The following GATC variants were observed in gnomAD, a reference collection of about 807,000 sequenced individuals.
GATC encodes the protein glutamyl-tRNA amidotransferase subunit C.
In GATC, 11 loss-of-function variants were observed where a neutral mutation model predicts 14.4. The observed-to-expected ratio is 0.77, with a 90% CI of 0.48 to 1.27. The LOEUF (loss-of-function observed/expected upper bound fraction) is 1.27. Ranked by LOEUF, GATC falls within the 50% of genes most tolerant of loss-of-function variation. The pLI is 0.00. For synonymous variants in GATC, 76 were observed against 79.3 expected (o/e 0.96, Z 0.22); for missense variants, 204 against 183.0 (o/e 1.11, Z -0.66).
chr12:120,449,180 C>T (rs1219702865), intron 2 of GATC, among the ~76,000 whole-genome samples: 2 of 151,846 alleles, frequency 1.3e-5, no homozygotes, highest in Admixed American at 6.6e-5. Flanking sequence ...AAGATGGTCT[C>T]GATCTCCTGA....
rs541672474 is a variant in GATC, at chr12:120,447,465, GCTT to G, written c.254+639_254+641del. ...AGTACTCTCCTTGGCTACCTTGACT[GCTT>G]CTCCAGCAAGACAAGTTCTTTTCCT... On this transcript the variant is annotated intron_variant, in intron 2 of 3. Coordinates refer to ENST00000551765, the MANE Select transcript of GATC (RefSeq NM_176818.3). Among the ~76,000 whole-genome samples the G allele has an allele frequency of 3.4e-3, 514 of 152,128 alleles. 2 individuals are homozygous for G. Among genetic ancestry groups the G allele is most frequent in the Middle Eastern group, 0.014 (4 of 294 alleles).
chr12:120,448,452 C>T (rs899011590), intron 2 of GATC, among the ~76,000 whole-genome samples: 8 of 151,480 alleles, frequency 5.3e-5, no homozygotes, highest in South Asian at 2.1e-4. Flanking sequence ...CCTCAGCCTC[C>T]GGAGTAGCTG....
At chr12:120,456,505 C>A (rs1204236337) in intron 2 of GATC, among the ~76,000 whole-genome samples, 1 of 152,188 alleles carries the variant, frequency 6.6e-6, no homozygotes, top group African/African-American at 2.4e-5. Context: ...CCAGCTTCAT[C>A]TTCCACCCCG....
In GATC at chr12:120,462,428, C is replaced by CAATT. The variant is rs1330680124; in HGVS notation, c.*2472_*2475dup. On this transcript the variant is annotated 3_prime_UTR_variant, in exon 4 of 4. Transcript: ENST00000551765. ...AATGCCAATTTGACATGTTGATACT[C>CAATT]AATTAACTATGATAAACAATATATC... The CAATT allele has an allele frequency of 3.0e-6, 1 of 329,504 alleles. No homozygotes were observed. The highest frequency in any genetic ancestry group is 2.1e-5 in the African/African-American group (1 of 46,544). 20.4% of individuals were successfully genotyped at this position (329,504 alleles called of 1,614,324 possible).
At chr12:120,455,930 C>T (rs1211005412) in intron 2 of GATC, among the ~76,000 whole-genome samples, 1 of 152,162 alleles carries the variant, frequency 6.6e-6, no homozygotes, top group Non-Finnish European at 1.5e-5. Context: ...TCGTGATCCG[C>T]CCACCTCGGC....
intron 2 of GATC, 140 bp from the exon 3 acceptor site, chr12:120,456,936 T>C: frequency 1.6e-6 from 1 of 641,058 alleles, no homozygotes; most frequent in Non-Finnish European, 2.8e-6. Flanking sequence ...CTACTGTTGA[T>C]CCCAGCTTCT....
At chr12:120,451,143 CAAAAA>C (rs143607117) in intron 2 of GATC, among the ~76,000 whole-genome samples, 1 of 56,484 alleles carries the variant, frequency 1.8e-5, no homozygotes, top group Non-Finnish European at 2.9e-5. Flanking sequence ...GACTCCATCT[CAAAAA>C]AAAAAAAAAA....
At position 120,446,644 on chromosome 12, in the gene GATC, A is replaced by G. The variant is rs752381799; in HGVS notation, c.82-13A>G. The stretch of plus-strand genomic sequence containing the variant: ...GCCGGTGACCCACACTCCCCGCCTC[A>G]TCCCTCCTCCAGGGCAGTGGCCGGA... On this transcript the variant is annotated splice_polypyrimidine_tract_variant and intron_variant, in intron 1 of 3. Coordinates refer to ENST00000551765, the MANE Select transcript of GATC (RefSeq NM_176818.3). 7 of 1,604,924 alleles carry G rather than the reference A, an allele frequency of 4.4e-6. No individual in the cohort carries two copies. The highest frequency in any genetic ancestry group is 5.1e-6 in the Non-Finnish European group (6 of 1,174,764).
intron 2 of GATC, among the ~76,000 whole-genome samples, chr12:120,449,269 CTCT>C (rs1261101938): frequency 2.0e-5 from 3 of 151,968 alleles, no homozygotes; most frequent in South Asian, 2.1e-4. Flanking sequence ...TACTTAGGTT[CTCT>C]ACCTGTGGCT....
At chr12:120,449,765 A>AT (rs796625406) in intron 2 of GATC, among the ~76,000 whole-genome samples, 157 of 139,780 alleles carry the variant, frequency 1.1e-3, no homozygotes, top group Middle Eastern at 4.1e-3. Context: ...TGTTTAATGA[A>AT]TTTTTTTTTT....
intron 2 of GATC, among the ~76,000 whole-genome samples, chr12:120,449,177 T>C (rs543581260): frequency 9.9e-4 from 151 of 152,020 alleles, no homozygotes; most frequent in Non-Finnish European, 1.5e-3. Context: ...GCCAAGATGG[T>C]CTCGATCTCC....
chr12:120,456,434 G>C (rs539908111), intron 2 of GATC, among the ~76,000 whole-genome samples: 3 of 152,236 alleles, frequency 2.0e-5, no homozygotes, highest in Admixed American at 1.3e-4. Context: ...TTGTTACTTA[G>C]CAGCCAACAT....
intron 3 of GATC, among the ~76,000 whole-genome samples, 168 bp downstream of exon 3, chr12:120,457,347 A>AG (rs1430689891): frequency 1.3e-5 from 2 of 152,010 alleles, no homozygotes; most frequent in African/African-American, 4.8e-5. Flanking sequence ...ACTCACCTCT[A>AG]GGGGGCAGTT....
rs1223761761 is a variant in GATC, at chr12:120,460,620, A to G, written c.*661A>G. The G allele has an allele frequency of 1.3e-5, 2 of 152,176 alleles. No homozygotes were observed. Among genetic ancestry groups the G allele is most frequent in the Non-Finnish European group, 2.9e-5 (2 of 68,046 alleles). 9.4% of individuals were successfully genotyped at this position (152,176 alleles called of 1,614,324 possible). A position where few individuals can be genotyped will look rare whatever the true frequency, so the allele number is the denominator to read the frequency against. ...TCCTAAAATTAGCCCTGGGCCTGGG[A>G]CAAAGGAGCCCTCTCCGCCCCCAAA... On this transcript the variant is annotated 3_prime_UTR_variant, in exon 4 of 4. Coordinates refer to ENST00000551765, the MANE Select transcript of GATC (RefSeq NM_176818.3).
At position 120,448,960 on chromosome 12, in the gene GATC, C is replaced by CTT. The variant is rs370203860; in HGVS notation, c.254+2145_254+2146dup. 4.7e-4 allele frequency among the ~76,000 whole-genome samples: 66 copies of CTT among 140,120 alleles called. 1 individual carries two copies. The highest frequency in any genetic ancestry group is 1.8e-3 in the South Asian group (8 of 4,360). 91.9% of individuals were successfully genotyped at this position (140,120 alleles called of 152,430 possible). On this transcript the variant is annotated intron_variant, in intron 2 of 3. Transcript: ENST00000551765. Reference sequence around the variant, plus strand: ...GTCTTCATTCTTTTATACTTAGGTTCTTTTTTTTTTTTTTTAATTGAGACA... The same window carrying CTT: ...GTCTTCATTCTTTTATACTTAGGTTCTTTTTTTTTTTTTTTTTAATTGAGACA...
rs765672756 is a variant in GATC at position 120,459,980 on chromosome 12, G to GGTA, written c.*22_*24dup. On this transcript the variant is annotated 3_prime_UTR_variant, in exon 4 of 4. Coordinates refer to ENST00000551765, the MANE Select transcript of GATC (RefSeq NM_176818.3). Reference sequence around the variant, plus strand: ...GCTGAGTAGCTCATTCTGGAAAGGGGGTACTCTGTGAACATGTGGAAGCAT... The same window carrying GGTA: ...GCTGAGTAGCTCATTCTGGAAAGGGGGTAGTACTCTGTGAACATGTGGAAGCAT... The GGTA allele has an allele frequency of 3.1e-6, 5 of 1,594,634 alleles. No individual in the cohort carries two copies. In the South Asian group the frequency reaches 4.4e-5, roughly 14 times the overall value.
intron 2 of GATC, among the ~76,000 whole-genome samples, chr12:120,449,809 C>A (rs1031544950): frequency 6.6e-6 from 1 of 151,434 alleles, no homozygotes; most frequent in African/African-American, 2.4e-5. Context: ...GTTGCCCAGG[C>A]TGGAGTGCAA....
At position 120,446,755 on chromosome 12, in the gene GATC, T is replaced by G; in HGVS notation, c.180T>G (p.Ala60=). 6.2e-7 allele frequency: 1 copy of G among 1,614,050 alleles called. No individual in the cohort carries two copies. Among genetic ancestry groups the G allele is most frequent in the Non-Finnish European group, 8.5e-7 (1 of 1,180,022 alleles). The stretch of plus-strand genomic sequence containing the variant: ...AGGCAGTGGCGCGACTGGAGAAAGC[T>G]ATCGCCTTCGCCGACCGGCTACGCG... ...SREAVARLEK[A]IAFADRLRAV... Residue 60 remains alanine, a synonymous_variant, in exon 2 of 4, where the codon GCT becomes GCG. Coordinates refer to ENST00000551765, the MANE Select transcript of GATC (RefSeq NM_176818.3).
chr12:120,458,287 C>T (rs142877575), intron 3 of GATC, among the ~76,000 whole-genome samples: 2 of 151,990 alleles, frequency 1.3e-5, no homozygotes, highest in Admixed American at 1.3e-4. Flanking sequence ...GGCAGGATTT[C>T]ACCATCTTGG....
Sources: allele counts gnomAD v4.1 joint callset (sites outside exome capture counted in the v4.1 genomes callset), GRCh38; gene constraint gnomAD v4.1.1; transcripts MANE v1.5; gene names NCBI Gene and HGNC (gene_info 2026-07-23, HGNC 2026-07-21).